PACS1: variants seen among roughly 807,000 people sequenced by gnomAD.
PACS1 encodes the protein PACS-1.
Under a neutral mutation model 115.0 loss-of-function variants are expected in PACS1, and 24 were observed. The observed-to-expected ratio is 0.21, with a 90% confidence interval of 0.15 to 0.29. The LOEUF (loss-of-function observed/expected upper bound fraction) is 0.29. Ranked by LOEUF, PACS1 falls within the 10% of genes least tolerant of loss-of-function variation. PACS1 has a pLI of 1.00. For synonymous variants in PACS1, 453 were observed against 504.5 expected, an observed-to-expected ratio of 0.90 and a Z score of 1.37; for missense variants, 838 against 1,251.2, an observed-to-expected ratio of 0.67 and a Z score of 4.98.
At chr11:66,163,097 C>T (rs1353684257) in intron 1 of PACS1, among the ~76,000 whole-genome samples, 1 of 151,964 alleles carries the variant, frequency 6.6e-6, no homozygotes, top group Non-Finnish European at 1.5e-5. Flanking sequence ...ACCTGTAATC[C>T]CAGAACTTTG....
intron 22 of PACS1, among the ~76,000 whole-genome samples, chr11:66,241,970 G>T (rs1217308016): frequency 6.6e-6 from 1 of 152,214 alleles, no homozygotes; most frequent in African/African-American, 2.4e-5. Context: ...ACTGCAGACA[G>T]GGAGAGGCCT....
rs1220757415 is a variant in PACS1, at chr11:66,244,617, TCCAGCCCTTCCCAGGGC to T, written c.*1338_*1354del. 6.6e-6 allele frequency: 1 copy of T among 152,306 alleles called. No individual in the cohort carries two copies. The highest frequency in any genetic ancestry group is 1.5e-5 in the Non-Finnish European group (1 of 68,102). The allele number at this position is 152,306 out of a possible 1,614,324, so 9.4% of individuals were successfully genotyped here. ...TCTCCATACCTCCCCCAAGCTCTCC[TCCAGCCCTTCCCAGGGC>T]TCAGCCCTGCTGTCCTGAGCGTCTC... On this transcript the variant is annotated 3_prime_UTR_variant, in exon 24 of 24. Transcript: ENST00000320580.
chr11:66,110,131 A>G (rs72934645), intron 1 of PACS1, among the ~76,000 whole-genome samples: 3 of 152,262 alleles, frequency 2.0e-5, no homozygotes, highest in Non-Finnish European at 2.9e-5. Flanking sequence ...AGTATAATTG[A>G]CTTCTCTGAA....
intron 1 of PACS1, among the ~76,000 whole-genome samples, chr11:66,127,658 G>A (rs1380946032): frequency 2.6e-5 from 4 of 152,184 alleles, no homozygotes; most frequent in Non-Finnish European, 5.9e-5. Context: ...TTCAGACAGC[G>A]GCTCAAGGAC....
intron 1 of PACS1, among the ~76,000 whole-genome samples, chr11:66,157,682 T>C (rs947973512): frequency 7.9e-4 from 120 of 152,266 alleles, no homozygotes; most frequent in African/African-American, 2.8e-3. Flanking sequence ...CCTACCTTCC[T>C]GTCTTGGCTG....
intron 1 of PACS1, among the ~76,000 whole-genome samples, chr11:66,078,229 T>C (rs1857427179): frequency 6.6e-6 from 1 of 152,228 alleles, no homozygotes; most frequent in South Asian, 2.1e-4. Context: ...AAAAACACTT[T>C]TTAGAACTGT....
intron 1 of PACS1, among the ~76,000 whole-genome samples, chr11:66,179,793 T>C (rs1476381615): frequency 2.6e-5 from 4 of 152,206 alleles, no homozygotes; most frequent in African/African-American, 9.7e-5. Flanking sequence ...TAACAGTTAA[T>C]TGTGGCCCTC....
At chr11:66,144,057 A>G (rs547247685) in intron 1 of PACS1, among the ~76,000 whole-genome samples, 2 of 152,354 alleles carry the variant, frequency 1.3e-5, no homozygotes, top group Non-Finnish European at 2.9e-5. Flanking sequence ...CGGTGTCAAC[A>G]TGGTAACAAT....
At chr11:66,212,814 A>G (rs938135034) in intron 4 of PACS1, among the ~76,000 whole-genome samples, 1 of 152,010 alleles carries the variant, frequency 6.6e-6, no homozygotes, top group Non-Finnish European at 1.5e-5. Context: ...TGAATTTCTA[A>G]TCCCACCATT....
At chr11:66,209,065 G>A (rs1855011960) in intron 2 of PACS1, among the ~76,000 whole-genome samples, 1 of 152,132 alleles carries the variant, frequency 6.6e-6, no homozygotes, top group South Asian at 2.1e-4. Context: ...GAAGTTTAGT[G>A]AGATTCAGTA....
intron 1 of PACS1, among the ~76,000 whole-genome samples, chr11:66,161,040 C>T (rs1001364324): frequency 3.9e-5 from 6 of 152,098 alleles, no homozygotes; most frequent in Non-Finnish European, 5.9e-5. Context: ...GTACCCCTCA[C>T]TTAGTGAGGA....
At chr11:66,170,319 T>A (rs748040048) in intron 1 of PACS1, among the ~76,000 whole-genome samples, 3 of 150,562 alleles carry the variant, frequency 2.0e-5, no homozygotes, top group Non-Finnish European at 4.4e-5. Context: ...TAATGGCTGC[T>A]TAATTCATTA....
Position 66,124,959 on chromosome 11 carries a change from C to T in PACS1, c.356+54117C>T, listed in dbSNP as rs534920213. ...TGGTCTCAGGTGGCCTGTCGCAGTT[C>T]CAGGTGCCACAGGGAGACACCAGAA... On this transcript the variant is annotated intron_variant, in intron 1 of 23. Coordinates refer to ENST00000320580, the MANE Select transcript of PACS1 (RefSeq NM_018026.4). 9.9e-5 allele frequency among the ~76,000 whole-genome samples: 15 copies of T among 152,272 alleles called. 1 individual carries two copies. Among genetic ancestry groups the T allele is most frequent in the African/African-American group, 3.4e-4 (14 of 41,552 alleles).
intron 1 of PACS1, among the ~76,000 whole-genome samples, chr11:66,093,072 T>C (rs924467600): frequency 5.3e-5 from 8 of 152,124 alleles, no homozygotes; most frequent in Middle Eastern, 3.4e-3. Context: ...GGTAGCTTGA[T>C]GGGGATGGCA....
intron 4 of PACS1, among the ~76,000 whole-genome samples, chr11:66,215,165 C>T (rs1261812766): frequency 2.0e-5 from 3 of 152,040 alleles, no homozygotes. Flanking sequence ...ATCTCCTGAC[C>T]TCATGATCCG....
At chr11:66,140,886 T>G (rs1444411598) in intron 1 of PACS1, among the ~76,000 whole-genome samples, 6 of 152,128 alleles carry the variant, frequency 3.9e-5, no homozygotes, top group African/African-American at 1.4e-4. Flanking sequence ...ATCTTGGAGA[T>G]CTTTCCACAT....
chr11:66,139,440 C>T (rs777990595), intron 1 of PACS1, among the ~76,000 whole-genome samples: 1 of 149,576 alleles, frequency 6.7e-6, no homozygotes, highest in Admixed American at 6.7e-5. Context: ...TGCTTTGTAA[C>T]TTTTTTTTTT....
chr11:66,150,381 G>A (rs1343140560), intron 1 of PACS1, among the ~76,000 whole-genome samples: 1 of 151,972 alleles, frequency 6.6e-6, no homozygotes, highest in Non-Finnish European at 1.5e-5. Context: ...TGACTTCTAG[G>A]CAGGAAACAG....
chr11:66,210,491 C>A, intron 3 of PACS1, 40 bp downstream of exon 3: 1 of 1,353,548 alleles, frequency 7.4e-7, no homozygotes, highest in Non-Finnish European at 1.1e-6. Flanking sequence ...CATGCTATAT[C>A]CTGGCTAGTC....
Sources: gnomAD v4.1 joint callset for allele counts (sites outside exome capture counted in the v4.1 genomes callset) on GRCh38, gnomAD v4.1.1 for gene constraint, MANE v1.5 for transcripts, NCBI Gene and HGNC (gene_info 2026-07-23, HGNC 2026-07-21) for gene names.